The following MICAL2 variants were observed in gnomAD, a reference collection of about 807,000 sequenced individuals.
The protein encoded by MICAL2 is [F-actin]-monooxygenase MICAL2.
In MICAL2, 77 loss-of-function variants were observed where a neutral mutation model predicts 127.3. That is an observed-to-expected ratio of 0.60 (90% CI 0.50 to 0.73). MICAL2 has a LOEUF of 0.73. Among genes scored for constraint, MICAL2 ranks in the 30% least tolerant of loss-of-function variants. The pLI is 0.00. For missense variants in MICAL2, 1,351 were observed against 1,434.4 expected (o/e 0.94, Z 0.94); for synonymous variants, 570 against 551.1 (o/e 1.03, Z -0.48).
intron 1 of MICAL2, among the ~76,000 whole-genome samples, chr11:12,119,296 C>T (rs113210990): frequency 2.0e-4 from 30 of 152,270 alleles, no homozygotes; most frequent in African/African-American, 5.3e-4. Context: ...ACTTCATCTA[C>T]GGCATGAGAG....
downstream of MICAL2, among the ~76,000 whole-genome samples, chr11:12,361,881 C>T (rs559465286): frequency 6.6e-6 from 1 of 152,320 alleles, no homozygotes; most frequent in Admixed American, 6.5e-5. Context: ...GGGGCCGCCA[C>T]ATGAACAGAG....
At chr11:12,347,037 T>C (rs1938966293) in intron 32 of MICAL2, among the ~76,000 whole-genome samples, 1 of 152,180 alleles carries the variant, frequency 6.6e-6, no homozygotes, top group African/African-American at 2.4e-5. Flanking sequence ...CATCAAAAAA[T>C]GCCAGGCCTC....
intron 1 of MICAL2, among the ~76,000 whole-genome samples, chr11:12,117,701 T>G (rs983929567): frequency 2.4e-4 from 37 of 152,302 alleles, no homozygotes; most frequent in African/African-American, 8.9e-4. Flanking sequence ...GGGGGTTGGG[T>G]GCTGTGTGTA....
chr11:12,206,920 G>C (rs753182817), intron 4 of MICAL2, among the ~76,000 whole-genome samples: 5 of 151,968 alleles, frequency 3.3e-5, no homozygotes, highest in Non-Finnish European at 4.4e-5. Context: ...CTCCAGCCCT[G>C]TTGCTGCCCT....
At chr11:12,122,355 TGTTGCCGCAGGCCTCTCATTCG>T (rs1366986196) in intron 1 of MICAL2, among the ~76,000 whole-genome samples, 1 of 152,222 alleles carries the variant, frequency 6.6e-6, no homozygotes, top group Non-Finnish European at 1.5e-5. Flanking sequence ...CAGGGTTCCT[TGTTGCCGCAGGCCTCTCATTCG>T]GTACTGGCCC....
At chr11:12,282,240 T>TAAG (rs1863780348) in intron 2 of MICAL2, among the ~76,000 whole-genome samples, 1 of 152,106 alleles carries the variant, frequency 6.6e-6, no homozygotes, top group Non-Finnish European at 1.5e-5. Context: ...TCCAAACACA[T>TAAG]TTGTTAAGTA....
At position 12,162,166 on chromosome 11, in the gene MICAL2, A is replaced by G; in HGVS notation, c.11A>G (p.Asn4Ser). The change falls in exon 3 of 28, where the codon AAC becomes AGC. Residue 4 changes from asparagine to serine, a missense_variant. This residue lies in a region of MICAL2 where 599 missense variants were observed against 714.9 expected (regional missense o/e 0.84). Coordinates refer to ENST00000683283, the MANE Select transcript of MICAL2 (RefSeq NM_001282663.2). ...CACGACTCCTGAACCATGGGGGAAA[A>G]CGAGGATGAGAAGCAGGCCCAGGCG... is the stretch of plus-strand genomic sequence containing the variant. MGENEDEKQAQAGQ... is the reference protein window; with the variant it reads MGESEDEKQAQAGQ... The G allele has an allele frequency of 1.2e-6, 2 of 1,614,128 alleles. No homozygotes were observed. The highest frequency in any genetic ancestry group is 1.7e-6 in the Non-Finnish European group (2 of 1,180,032).
chr11:12,308,307 T>G (rs186458247), intron 29 of MICAL2: 23 of 152,304 alleles, frequency 1.5e-4, no homozygotes, highest in South Asian at 6.2e-4. Context: ...GCTTATCAGT[T>G]TCTACCAAAG....
chr11:12,211,608 G>A (rs896610926), intron 6 of MICAL2, among the ~76,000 whole-genome samples: 1 of 152,196 alleles, frequency 6.6e-6, no homozygotes. Context: ...ACTCAGGAAA[G>A]GTCAGATGAC....
chr11:12,176,279 T>A (rs763011388), intron 3 of MICAL2, among the ~76,000 whole-genome samples: 1 of 152,172 alleles, frequency 6.6e-6, no homozygotes, highest in Non-Finnish European at 1.5e-5. Flanking sequence ...CACTTAACAC[T>A]ACCCATGACT....
intron 2 of MICAL2, among the ~76,000 whole-genome samples, chr11:12,286,173 C>CCGCAAATA (rs1863824989): frequency 6.6e-6 from 1 of 152,184 alleles, no homozygotes; most frequent in Non-Finnish European, 1.5e-5. Flanking sequence ...GTACAGTGTC[C>CCGCAAATA]CGCAAATATG....
intron 21 of MICAL2, among the ~76,000 whole-genome samples, chr11:12,244,542 ATAAACT>A (rs1378362422): frequency 1.3e-5 from 2 of 152,240 alleles, no homozygotes; most frequent in Non-Finnish European, 2.9e-5. Flanking sequence ...ATTTCACATG[ATAAACT>A]TAACGTAACA....
chr11:12,181,822 G>A (rs1371450667), intron 3 of MICAL2, among the ~76,000 whole-genome samples: 1 of 152,236 alleles, frequency 6.6e-6, no homozygotes, highest in Admixed American at 6.5e-5. Flanking sequence ...ATTCATGGTA[G>A]TGCTAGTCTG....
In MICAL2 at chr11:12,262,204, G is replaced by T. The variant is rs976663030; in HGVS notation, c.3335-276G>T. The T allele has an allele frequency of 3.3e-5, 44 of 1,331,992 alleles. No homozygotes were observed. In the African/African-American group the frequency reaches 6.2e-4, roughly 19 times the overall value. The allele number at this position is 1,331,992 out of a possible 1,614,324, so 82.5% of individuals were successfully genotyped here. ...CCGCAACATATTCAAGAATGAATGG[G>T]AGACGCTAGAGTAAAATGGGGGCAG... On this transcript the variant is annotated intron_variant, in intron 26 of 27. Transcript: ENST00000683283.
intron 33 of MICAL2, among the ~76,000 whole-genome samples, chr11:12,354,426 C>T (rs905745053): frequency 6.6e-5 from 10 of 151,642 alleles, no homozygotes; most frequent in South Asian, 2.1e-4. Flanking sequence ...GAGCCAATAC[C>T]GTGCCACTGC....
At chr11:12,247,466 C>T (rs528152933) in intron 21 of MICAL2, among the ~76,000 whole-genome samples, 18 of 152,312 alleles carry the variant, frequency 1.2e-4, no homozygotes, top group South Asian at 4.1e-4. Flanking sequence ...GATGGAGGAC[C>T]TCTTAGAATG....
At chr11:12,138,031 T>G (rs1851990749) in intron 1 of MICAL2, among the ~76,000 whole-genome samples, 1 of 152,248 alleles carries the variant, frequency 6.6e-6, no homozygotes, top group African/African-American at 2.4e-5. Flanking sequence ...TTACTTTCAT[T>G]GTGTCTCACA....
At chr11:12,168,245 C>T (rs1759479203) in intron 3 of MICAL2, among the ~76,000 whole-genome samples, 1 of 151,192 alleles carries the variant, frequency 6.6e-6, no homozygotes, top group South Asian at 2.1e-4. Flanking sequence ...CACACACATA[C>T]ACACATAGAT....
chr11:12,153,058 C>T (rs554407736), intron 2 of MICAL2, among the ~76,000 whole-genome samples: 17 of 151,788 alleles, frequency 1.1e-4, no homozygotes, highest in African/African-American at 3.6e-4. Context: ...GAGGCAGGCT[C>T]TTGTTCTAGT....
Sources: gnomAD v4.1 joint callset for allele counts (sites outside exome capture counted in the v4.1 genomes callset) on GRCh38, gnomAD v4.1.1 for gene constraint, gnomAD v4.1.1 regional missense constraint, MANE v1.5 for transcripts, NCBI Gene and HGNC (gene_info 2026-07-23, HGNC 2026-07-21) for gene names.